Variants in MIPOL1 observed in about 807,000 individuals in gnomAD.
MIPOL1 encodes the protein mirror-image polydactyly gene 1 protein.
Under a neutral mutation model 60.9 loss-of-function variants are expected in MIPOL1, and 57 were observed. The ratio of observed to expected loss-of-function variants is 0.94; its 90% CI spans 0.76 to 1.17. MIPOL1 has a LOEUF of 1.17. Among genes scored for constraint, MIPOL1 ranks in the 50% most tolerant of loss-of-function variants. The pLI is 0.00. For missense variants in MIPOL1, 551 were observed against 511.6 expected, an observed-to-expected ratio of 1.08 and a Z score of -0.74; for synonymous variants, 179 against 168.8, an observed-to-expected ratio of 1.06 and a Z score of -0.47.
chr14:37,500,491 A>G (rs1453822862), intron 12 of MIPOL1, among the ~76,000 whole-genome samples: 1 of 152,184 alleles, frequency 6.6e-6, no homozygotes, highest in Non-Finnish European at 1.5e-5. Flanking sequence ...ATTTAGCTTT[A>G]CAATAATCCT....
At chr14:37,376,750 C>T (rs566667233) in intron 10 of MIPOL1, among the ~76,000 whole-genome samples, 1 of 152,248 alleles carries the variant, frequency 6.6e-6, no homozygotes, top group South Asian at 2.1e-4. Flanking sequence ...CACCCATGTG[C>T]ATTTTGTTTG....
chr14:37,210,325 C>T (rs1031351889), intron 1 of MIPOL1, among the ~76,000 whole-genome samples: 4 of 151,858 alleles, frequency 2.6e-5, no homozygotes, highest in Non-Finnish European at 5.9e-5. Context: ...CTTTTGACAC[C>T]AGTCACAAGT....
intron 11 of MIPOL1, among the ~76,000 whole-genome samples, chr14:37,438,441 A>C (rs1483848970): frequency 6.6e-6 from 1 of 152,156 alleles, no homozygotes; most frequent in Non-Finnish European, 1.5e-5. Context: ...AACAGAGAGA[A>C]AACTAACATC....
chr14:37,212,517 G>A (rs1484998363), intron 1 of MIPOL1, among the ~76,000 whole-genome samples: 5 of 152,150 alleles, frequency 3.3e-5, no homozygotes, highest in South Asian at 2.1e-4. Flanking sequence ...GAAGGACTGA[G>A]TCTTGTGCTT....
At chr14:37,456,371 T>C (rs1280983863) in intron 11 of MIPOL1, among the ~76,000 whole-genome samples, 3 of 152,124 alleles carry the variant, frequency 2.0e-5, no homozygotes, top group Admixed American at 6.6e-5. Flanking sequence ...CCTGGGACCC[T>C]GTTCATACTT....
chr14:37,317,448 G>A (rs1036768162), intron 9 of MIPOL1, among the ~76,000 whole-genome samples: 5 of 152,270 alleles, frequency 3.3e-5, no homozygotes, highest in African/African-American at 1.2e-4. Flanking sequence ...TGTGGTGTGA[G>A]TAGTGTGGTG....
At chr14:37,520,469 A>C (rs999354506) in intron 12 of MIPOL1, among the ~76,000 whole-genome samples, 3 of 152,200 alleles carry the variant, frequency 2.0e-5, no homozygotes, top group African/African-American at 7.2e-5. Context: ...CTAACCAGTT[A>C]TTCTAGCTTG....
chr14:37,361,821 A>G (rs1312636632), intron 9 of MIPOL1, among the ~76,000 whole-genome samples: 1 of 151,746 alleles, frequency 6.6e-6, no homozygotes, highest in Admixed American at 6.6e-5. Context: ...GTTAGCCAGG[A>G]TGGTCTCAAT....
intron 7 of MIPOL1, among the ~76,000 whole-genome samples, chr14:37,304,085 A>G (rs2086573969): frequency 6.6e-6 from 1 of 151,778 alleles, no homozygotes; most frequent in Non-Finnish European, 1.5e-5. Context: ...CCAATGCATA[A>G]CTGTTTTTGC....
intron 6 of MIPOL1, among the ~76,000 whole-genome samples, chr14:37,285,054 T>C (rs987960101): frequency 6.6e-6 from 1 of 152,198 alleles, no homozygotes; most frequent in Non-Finnish European, 1.5e-5. Flanking sequence ...GTGTGAGAGT[T>C]TTCTTTATTT....
At chr14:37,367,441 G>A (rs1482793472) in intron 9 of MIPOL1, among the ~76,000 whole-genome samples, 4 of 151,964 alleles carry the variant, frequency 2.6e-5, no homozygotes, top group African/African-American at 4.8e-5. Flanking sequence ...TTTCTACCAT[G>A]TAGTTTGGAA....
At chr14:37,254,668 TC>T (rs1974638438) in intron 3 of MIPOL1, among the ~76,000 whole-genome samples, 1 of 151,720 alleles carries the variant, frequency 6.6e-6, no homozygotes, top group African/African-American at 2.4e-5. Context: ...TAGGATTTCT[TC>T]TTTCTCTTTA....
At chr14:37,290,791 A>G (rs2084986260) in intron 7 of MIPOL1, among the ~76,000 whole-genome samples, 2 of 152,042 alleles carry the variant, frequency 1.3e-5, no homozygotes, top group Admixed American at 6.6e-5. Context: ...GTTTTTTTGT[A>G]CAGATTATTT....
chr14:37,311,957 T>C (rs1335586545), intron 9 of MIPOL1, among the ~76,000 whole-genome samples: 2 of 152,170 alleles, frequency 1.3e-5, no homozygotes, highest in African/African-American at 4.8e-5. Flanking sequence ...CTTGTATTTT[T>C]TTCCTCCATA....
chr14:37,265,235 C>T (rs2082790667), intron 3 of MIPOL1: 1 of 152,048 alleles, frequency 6.6e-6, no homozygotes, highest in African/African-American at 2.4e-5. Flanking sequence ...CCTACTTGAC[C>T]TTTTTTGGAG....
At chr14:37,415,233 A>T (rs1011454583) in intron 10 of MIPOL1, among the ~76,000 whole-genome samples, 1 of 152,212 alleles carries the variant, frequency 6.6e-6, no homozygotes, top group African/African-American at 2.4e-5. Context: ...TTTGGATGGC[A>T]TCTTAAAATA....
chr14:37,328,378 G>A (rs2089375399), intron 9 of MIPOL1, among the ~76,000 whole-genome samples: 1 of 152,072 alleles, frequency 6.6e-6, no homozygotes, highest in Non-Finnish European at 1.5e-5. Context: ...CAGTGTCACA[G>A]ATGAGAAGCT....
intron 11 of MIPOL1, among the ~76,000 whole-genome samples, chr14:37,426,570 C>CATATATATATATATATATAT (rs68123796): frequency 0.039 from 3,324 of 84,786 alleles, 152 homozygotes; most frequent in Non-Finnish European, 0.048. Flanking sequence ...TCAAAATATA[C>CATATATATATATATATATAT]ATATATATAT....
At chr14:37,485,158 G>T (rs1454762955) in intron 11 of MIPOL1, among the ~76,000 whole-genome samples, 1 of 152,132 alleles carries the variant, frequency 6.6e-6, no homozygotes, top group East Asian at 1.9e-4. Flanking sequence ...CCACGTCCCT[G>T]CAAAGGACAT....
Sources: allele counts gnomAD v4.1 joint callset (sites outside exome capture counted in the v4.1 genomes callset), GRCh38; gene constraint gnomAD v4.1.1; transcripts MANE v1.5; gene names NCBI Gene and HGNC (gene_info 2026-07-23, HGNC 2026-07-21).